The following AGMO variants were observed in gnomAD, a reference collection of about 807,000 sequenced individuals.
AGMO encodes glyceryl-ether monooxygenase.
AGMO carries 75 observed loss-of-function variants against 60.2 expected under a neutral mutation model. The observed-to-expected ratio is 1.25, with a 90% confidence interval of 1.03 to 1.51. The LOEUF is 1.51. AGMO is among the 40% of genes most tolerant of loss of function. The pLI is 0.00. For missense variants in AGMO, 763 were observed against 525.5 expected (o/e 1.45, Z -4.42); for synonymous variants, 261 against 177.1 (o/e 1.47, Z -3.76).
intron 12 of AGMO, among the ~76,000 whole-genome samples, chr7:15,322,564 A>G (rs1167805888): frequency 4.1e-4 from 19 of 46,030 alleles, no homozygotes; most frequent in African/African-American, 2.3e-3. Flanking sequence ...ATAAATATAT[A>G]AATATATATA....
At chr7:15,321,262 T>C (rs1414156811) in intron 12 of AGMO, among the ~76,000 whole-genome samples, 1 of 152,160 alleles carries the variant, frequency 6.6e-6, no homozygotes, top group African/African-American at 2.4e-5. Context: ...TATAGATAGA[T>C]TGTTGGACAA....
intron 12 of AGMO, among the ~76,000 whole-genome samples, chr7:15,358,927 C>A (rs1256551755): frequency 6.6e-6 from 1 of 152,086 alleles, no homozygotes; most frequent in Non-Finnish European, 1.5e-5. Context: ...GCGATTTTAA[C>A]AATGGCATTA....
chr7:15,230,202 G>C (rs1170228908), intron 12 of AGMO, among the ~76,000 whole-genome samples: 1 of 152,074 alleles, frequency 6.6e-6, no homozygotes, highest in Non-Finnish European at 1.5e-5. Context: ...TTGGTGGCTG[G>C]ATACAGAAGT....
intron 3 of AGMO, among the ~76,000 whole-genome samples, chr7:15,453,871 G>A (rs910142823): frequency 2.0e-5 from 3 of 151,222 alleles, no homozygotes; most frequent in African/African-American, 7.3e-5. Flanking sequence ...CTGAGTCTCA[G>A]GGATTGTTTT....
intron 12 of AGMO, among the ~76,000 whole-genome samples, chr7:15,323,384 A>G (rs1781241975): frequency 6.6e-6 from 1 of 152,192 alleles, no homozygotes; most frequent in African/African-American, 2.4e-5. Context: ...AGAAAAAAAT[A>G]ACCAGCATAG....
At chr7:15,390,638 A>G in intron 8 of AGMO, 33 bp downstream of exon 8, 1 of 1,446,372 alleles carries the variant, frequency 6.9e-7, no homozygotes, top group Non-Finnish European at 9.6e-7. Flanking sequence ...GAAATGATAT[A>G]AATGAAGAAA....
chr7:15,418,440 C>A, intron 5 of AGMO, 118 bp downstream of exon 5: 2 of 648,350 alleles, frequency 3.1e-6, no homozygotes, highest in South Asian at 2.0e-5. Flanking sequence ...AGATGTTTCT[C>A]CTTAGAAAAG....
At position 15,546,675 on chromosome 7, in the gene AGMO, G is replaced by A. The variant is rs552012285; in HGVS notation, c.258-1752C>T. Among the ~76,000 whole-genome samples the A allele has an allele frequency of 2.0e-5, 3 of 152,332 alleles. No homozygotes were observed. In the South Asian group the frequency reaches 6.2e-4, roughly 32 times the overall value. On this transcript the variant is annotated intron_variant, in intron 2 of 12. Transcript: ENST00000342526. ...CTCCTGGGGCAGGACAAGCCATGAG[G>A]CCAAGGGTTCCCAAAGTGTTGTGGA...
chr7:15,391,806 C>A (rs555657965), intron 6 of AGMO, among the ~76,000 whole-genome samples: 1 of 152,108 alleles, frequency 6.6e-6, no homozygotes, highest in Non-Finnish European at 1.5e-5. Context: ...TTGGCAATTT[C>A]TGGAGACATG....
At position 15,289,060 on chromosome 7, in the gene AGMO, T is replaced by G. The variant is rs186226613; in HGVS notation, c.1263+76454A>C. On this transcript the variant is annotated intron_variant, in intron 12 of 12. Coordinates refer to ENST00000342526, the MANE Select transcript of AGMO (RefSeq NM_001004320.2). ...TTTCTCCATTCTTTAAATTTTCTTT[T>G]CCTATTGTTTTCAAATCTTAACAGT... 4.4e-3 allele frequency among the ~76,000 whole-genome samples: 667 copies of G among 151,966 alleles called. 4 individuals are homozygous for G. The highest frequency in any genetic ancestry group is 0.015 in the African/African-American group (636 of 41,518).
At chr7:15,198,189 G>T (rs1167690070), downstream of AGMO, among the ~76,000 whole-genome samples, 1 of 140,778 alleles carries the variant, frequency 7.1e-6, no homozygotes, top group Non-Finnish European at 1.5e-5. Context: ...TATTTTTAGG[G>T]CTTTCCCGAG....
intron 12 of AGMO, among the ~76,000 whole-genome samples, chr7:15,249,011 C>A (rs920338002): frequency 6.6e-6 from 1 of 152,126 alleles, no homozygotes; most frequent in Non-Finnish European, 1.5e-5. Flanking sequence ...TATGGATAAC[C>A]TTCCTTTCCA....
chr7:15,128,995 T>C, the AGMO span, among the ~76,000 whole-genome samples: 33 of 152,140 alleles, frequency 2.2e-4, no homozygotes, highest in Admixed American at 5.9e-4. Context: ...TTTCTCCTAA[T>C]TGGAGGCTGT....
At chr7:15,263,790 A>G (rs1563060085) in intron 12 of AGMO, among the ~76,000 whole-genome samples, 1 of 152,200 alleles carries the variant, frequency 6.6e-6, no homozygotes, top group South Asian at 2.1e-4. Flanking sequence ...GGAGACTATT[A>G]TTCTCAGTGA....
intron 12 of AGMO, among the ~76,000 whole-genome samples, chr7:15,324,669 G>T (rs1370302545): frequency 1.3e-5 from 2 of 152,094 alleles, no homozygotes; most frequent in Non-Finnish European, 2.9e-5. Context: ...CACAGATGGT[G>T]GGGGGCGGTG....
chr7:15,135,979 C>CTTTTTTTTTTTTTTTTTTGT, the AGMO span, among the ~76,000 whole-genome samples: 1 of 106,870 alleles, frequency 9.4e-6, no homozygotes, highest in Non-Finnish European at 1.8e-5. Flanking sequence ...TTTTTCTTTT[C>CTTTTTTTTTTTTTTTTTTGT]TTTTTTTTTT....
intron 12 of AGMO, among the ~76,000 whole-genome samples, chr7:15,325,407 C>A (rs1781306022): frequency 6.6e-6 from 1 of 151,918 alleles, no homozygotes; most frequent in African/African-American, 2.4e-5. Context: ...AATCAGTGAG[C>A]GTTCAAGGGC....
In AGMO at chr7:15,387,423, T is replaced by A; in HGVS notation, c.940A>T (p.Ser314Cys). 1 of 1,612,928 alleles carries A rather than the reference T, an allele frequency of 6.2e-7. No individual in the cohort carries two copies. The highest frequency in any genetic ancestry group is 8.5e-7 in the Non-Finnish European group (1 of 1,179,748). Reference sequence around the variant, plus strand: ...CTATTTACCTCTGGAATTTCTTCACTGAGACCAAGTCTTGGTTTACCTGGA... The same window carrying A: ...CTATTTACCTCTGGAATTTCTTCACAGAGACCAAGTCTTGGTTTACCTGGA... ...WGPGKPRLGLSEEIPEVTGKE... is the reference protein window; with the variant it reads ...WGPGKPRLGLCEEIPEVTGKE... The change falls in exon 9 of 13, where the codon AGT (serine) becomes TGT (cysteine). Residue 314 changes from serine (S) to cysteine (C), a missense_variant. By Grantham distance (112) the Ser-to-Cys change is moderately radical. Transcript: ENST00000342526.
chr7:15,196,666 G>A (rs1163262594), downstream of AGMO, among the ~76,000 whole-genome samples: 3 of 152,108 alleles, frequency 2.0e-5, no homozygotes, highest in Non-Finnish European at 4.4e-5. Context: ...AGTCATTTCC[G>A]TTTCTAAAAA....
Sources: allele counts gnomAD v4.1 joint callset (sites outside exome capture counted in the v4.1 genomes callset), GRCh38; gene constraint gnomAD v4.1.1; transcripts MANE v1.5; gene names NCBI Gene and HGNC (gene_info 2026-07-23, HGNC 2026-07-21).